The following INPP5B variants were observed in gnomAD, a reference collection of about 807,000 sequenced individuals.
INPP5B encodes inositol polyphosphate-5-phosphatase B.
In INPP5B, 90 loss-of-function variants were observed where a neutral mutation model predicts 118.5. That is an observed-to-expected ratio of 0.76 (90% confidence interval 0.64 to 0.90). The LOEUF is 0.90. Ranked by LOEUF, INPP5B falls within the 40% of genes least tolerant of loss-of-function variation. The pLI is 0.00. For missense variants in INPP5B, 984 were observed against 1,125.6 expected (o/e 0.87, Z 1.80); for synonymous variants, 385 against 418.9 (o/e 0.92, Z 0.99).
intron 23 of INPP5B, among the ~76,000 whole-genome samples, chr1:37,863,772 T>G (rs1467384559): frequency 6.6e-6 from 1 of 151,476 alleles, no homozygotes; most frequent in Non-Finnish European, 1.5e-5. Flanking sequence ...CCATCGTATA[T>G]GTGGTCTTTC....
intron 15 of INPP5B, among the ~76,000 whole-genome samples, chr1:37,879,441 T>G (rs1643059123): frequency 6.6e-6 from 1 of 151,942 alleles, no homozygotes; most frequent in Non-Finnish European, 1.5e-5. Flanking sequence ...AACAGGTTCT[T>G]GAGGATTAAA....
At chr1:37,945,693 T>C in intron 3 of INPP5B, 63 bp downstream of exon 3, 1 of 1,152,500 alleles carries the variant, frequency 8.7e-7, no homozygotes, top group Non-Finnish European at 1.3e-6. Context: ...GAAGTTCAGC[T>C]GGAGGGTGCA....
chr1:37,931,989 C>T lies in INPP5B; in HGVS notation c.456G>A (p.Leu152=), dbSNP rs1168550181. 6.2e-7 allele frequency: 1 copy of T among 1,613,782 alleles called. No individual in the cohort carries two copies. The highest frequency in any genetic ancestry group is 1.1e-5 in the South Asian group (1 of 91,070). ...CGCGCGGCGTTGGCATCTCCAGCTCCAGCTCTGCGCACCTATACCGAGACA... is the reference window on the plus strand; with the variant it reads ...CGCGCGGCGTTGGCATCTCCAGCTCTAGCTCTGCGCACCTATACCGAGACA... ...LWLSRYRCAE[L]ELEMPTPRGC... Residue 152 remains leucine, a synonymous_variant, in exon 7 of 24, where the codon CTG becomes CTA. Coordinates refer to ENST00000373024, the MANE Select transcript of INPP5B (RefSeq NM_005540.3).
intron 7 of INPP5B, chr1:37,931,674 T>A: frequency 6.6e-7 from 1 of 1,521,926 alleles, no homozygotes; most frequent in Non-Finnish European, 8.8e-7. Flanking sequence ...CCGCCGAACC[T>A]GCAGTGTTGC....
In INPP5B at chr1:37,874,125, A is replaced by G. The variant is rs772031267; in HGVS notation, c.1819T>C (p.Leu607=). The G allele has an allele frequency of 1.8e-5, 29 of 1,591,268 alleles. No homozygotes were observed. Among genetic ancestry groups the G allele is most frequent in the Non-Finnish European group, 2.5e-5 (29 of 1,163,070 alleles). Reference sequence around the variant, plus strand: ...TGAATTGTAAAGGATTCTACTTTCAATTGCATGTACTTCACATTCTGAAAA... The same window carrying G: ...TGAATTGTAAAGGATTCTACTTTCAGTTGCATGTACTTCACATTCTGAAAA... ...FCFQNVKYMQ[L]KVESFTIHNG... is the part of the protein sequence containing the mutation. The change falls in exon 18 of 24, where the codon TTG becomes CTG. Residue 607 remains leucine, a synonymous_variant. Coordinates refer to ENST00000373024, the MANE Select transcript of INPP5B (RefSeq NM_005540.3).
chr1:37,892,115 A>C (rs1643868589), intron 7 of INPP5B, among the ~76,000 whole-genome samples: 2 of 152,212 alleles, frequency 1.3e-5, no homozygotes, highest in Non-Finnish European at 2.9e-5. Flanking sequence ...ACTTTGGAAA[A>C]GCCATCTAAC....
chr1:37,911,873 A>G (rs929814485), intron 7 of INPP5B, among the ~76,000 whole-genome samples: 1 of 152,224 alleles, frequency 6.6e-6, no homozygotes, highest in Non-Finnish European at 1.5e-5. Context: ...GCTTATGCTG[A>G]TAAGGTAGTT....
intron 2 of INPP5B, 84 bp downstream of exon 2, chr1:37,946,168 G>T: frequency 7.8e-7 from 1 of 1,281,130 alleles, no homozygotes; most frequent in Non-Finnish European, 1.1e-6. Context: ...AGGGGCAGGA[G>T]AGGGGATAGA....
At chr1:37,917,327 T>C (rs1644907794) in intron 7 of INPP5B, among the ~76,000 whole-genome samples, 1 of 130,474 alleles carries the variant, frequency 7.7e-6, no homozygotes, top group Admixed American at 8.3e-5. Context: ...TATATATATA[T>C]ATATATATAT....
At chr1:37,867,140 G>A (rs962799290) in intron 20 of INPP5B, among the ~76,000 whole-genome samples, 8 of 152,196 alleles carry the variant, frequency 5.3e-5, no homozygotes, top group Admixed American at 2.0e-4. Context: ...GCTGAGGCAG[G>A]AGAATTGCTA....
chr1:37,931,696 C>G, intron 7 of INPP5B: 1 of 1,532,736 alleles, frequency 6.5e-7, no homozygotes, highest in Non-Finnish European at 8.8e-7. Flanking sequence ...CTCCCGAGAG[C>G]CGGCGGCGGC....
intron 2 of INPP5B, 47 bp downstream of exon 2, chr1:37,946,205 C>T (rs1170386270): frequency 6.4e-7 from 1 of 1,572,696 alleles, no homozygotes; most frequent in Non-Finnish European, 8.7e-7. Flanking sequence ...ATTCCTCTTC[C>T]CAAGGCCAGG....
intron 7 of INPP5B, among the ~76,000 whole-genome samples, chr1:37,899,799 C>T (rs970627756): frequency 1.3e-5 from 2 of 151,488 alleles, no homozygotes; most frequent in African/African-American, 4.9e-5. Context: ...ACTGAAGCTT[C>T]GCCTGCCGGG....
chr1:37,887,555 T>G (rs1196404002), intron 10 of INPP5B, 90 bp from the exon 11 acceptor site: 1 of 726,926 alleles, frequency 1.4e-6, no homozygotes, highest in African/African-American at 1.8e-5. Context: ...AAGCCCTAGC[T>G]TTCTAGCTAA....
intron 7 of INPP5B, among the ~76,000 whole-genome samples, chr1:37,910,081 TCTGA>T (rs1167514417): frequency 6.6e-6 from 1 of 152,202 alleles, no homozygotes; most frequent in African/African-American, 2.4e-5. Flanking sequence ...CCCAAGGCTC[TCTGA>T]CTGACTCCTT....
intron 7 of INPP5B, among the ~76,000 whole-genome samples, chr1:37,903,808 T>G (rs887916447): frequency 6.6e-6 from 1 of 152,078 alleles, no homozygotes; most frequent in Non-Finnish European, 1.5e-5. Flanking sequence ...AAGAATTGCT[T>G]GAACCTGGGA....
chr1:37,943,719 T>C (rs753034698), intron 4 of INPP5B, 50 bp from the exon 5 acceptor site: 1 of 1,613,216 alleles, frequency 6.2e-7, no homozygotes, highest in Admixed American at 1.7e-5. Context: ...TTACTCCCCC[T>C]TGCCCCCCCA....
intron 19 of INPP5B, among the ~76,000 whole-genome samples, chr1:37,869,726 C>T (rs770894899): frequency 7.3e-5 from 11 of 151,606 alleles, no homozygotes; most frequent in African/African-American, 1.9e-4. Context: ...GTGATCCACC[C>T]GCCTCAGCCT....
chr1:37,873,364 AAAC>A (rs1278401412), intron 18 of INPP5B, 199 bp from the exon 19 acceptor site: 1 of 580,244 alleles, frequency 1.7e-6, no homozygotes, highest in Non-Finnish European at 3.1e-6. Context: ...GGGAATATGA[AAAC>A]AACAAACAAA....
Sources: gnomAD v4.1 joint callset for allele counts (sites outside exome capture counted in the v4.1 genomes callset) on GRCh38, gnomAD v4.1.1 for gene constraint, MANE v1.5 for transcripts, NCBI Gene and HGNC (gene_info 2026-07-23, HGNC 2026-07-21) for gene names.